Variants in KMT2C observed in about 807,000 individuals in gnomAD.
The protein encoded by KMT2C is histone-lysine N-methyltransferase 2C.
A neutral mutation model predicts 507.9 loss-of-function variants in KMT2C; 88 were observed. The ratio of observed to expected loss-of-function variants is 0.17; its 90% confidence interval spans 0.15 to 0.21. KMT2C has a LOEUF of 0.21. KMT2C is among the 10% of genes least tolerant of loss of function. KMT2C has a pLI of 1.00. For missense variants in KMT2C, 4,954 were observed against 5,957.8 expected (o/e 0.83, Z 5.55); for synonymous variants, 2,049 against 2,080.8 (o/e 0.98, Z 0.42).
At chr7:152,359,591 G>C (rs1056400670) in intron 1 of KMT2C, among the ~76,000 whole-genome samples, 1 of 151,258 alleles carries the variant, frequency 6.6e-6, no homozygotes, top group Non-Finnish European at 1.5e-5. Context: ...CCATCATGGC[G>C]AAACCCCATC....
At position 152,177,715 on chromosome 7, in the gene KMT2C, T is replaced by C. The variant is rs765667288; in HGVS notation, c.7738A>G (p.Ser2580Gly). Residue 2580 changes from serine (S) to glycine (G), a missense_variant, in exon 38 of 59, where the codon AGC (serine) becomes GGC (glycine). Transcript: ENST00000262189. The part of the protein sequence containing the change: ...QRLPFSAPPG[S>G]VVEASSNLRH... ...AGATTAGAAGATGCCTCTACAACGC[T>C]GCCAGGTGGAGCACTGAAAGGCAGC... The C allele has an allele frequency of 1.4e-5, 23 of 1,614,146 alleles. No homozygotes were observed. Among genetic ancestry groups the C allele is most frequent in the South Asian group, 2.2e-5 (2 of 91,080 alleles).
chr7:152,417,598 G>A (rs2097752533), intron 1 of KMT2C, among the ~76,000 whole-genome samples: 1 of 152,116 alleles, frequency 6.6e-6, no homozygotes, highest in African/African-American at 2.4e-5. Flanking sequence ...AGACATTAGA[G>A]CCTATATGCT....
At position 152,162,696 on chromosome 7, in the gene KMT2C, T is replaced by C. The variant is rs1018132632; in HGVS notation, c.10881A>G (p.Ser3627=). ...CTGGAGTCGGTGGGGCAGTTATATCTGAATGGGGAGTTGATGGAGCCTTGG... is the reference window on the plus strand; with the variant it reads ...CTGGAGTCGGTGGGGCAGTTATATCCGAATGGGGAGTTGATGGAGCCTTGG... ...ESTKAPSTPH[S]DITAPPTPGI... is the part of the protein sequence containing the mutation. The change falls in exon 43 of 59, where the codon TCA becomes TCG. Residue 3627 remains serine (S), a synonymous_variant. Transcript: ENST00000262189. 8 of 1,614,094 alleles carry C rather than the reference T, an allele frequency of 5.0e-6. No homozygotes were observed. The highest frequency in any genetic ancestry group is 6.8e-6 in the Non-Finnish European group (8 of 1,180,040).
chr7:152,151,336 A>T (rs2091605266), intron 50 of KMT2C, 106 bp downstream of exon 50: 6 of 1,198,826 alleles, frequency 5.0e-6, no homozygotes, highest in Non-Finnish European at 7.1e-6. Flanking sequence ...ACATGTGTCC[A>T]TCACACCACC....
chr7:152,147,028 T>A (rs1030151573), intron 52 of KMT2C, among the ~76,000 whole-genome samples: 1 of 152,360 alleles, frequency 6.6e-6, no homozygotes, highest in African/African-American at 2.4e-5. Context: ...ATAGTGGCCA[T>A]ATAACATACC....
At chr7:152,205,058 C>A in intron 25 of KMT2C, 48 bp downstream of exon 25, 3 of 1,261,448 alleles carry the variant, frequency 2.4e-6, no homozygotes, top group Non-Finnish European at 3.3e-6. Flanking sequence ...ATATCAAGAC[C>A]AAAGGGTTAC....
At chr7:152,209,537 A>G (rs974794454) in intron 23 of KMT2C, among the ~76,000 whole-genome samples, 1 of 151,836 alleles carries the variant, frequency 6.6e-6, no homozygotes, top group African/African-American at 2.4e-5. Flanking sequence ...CATTCTCCTG[A>G]AACCCTACTA....
intron 6 of KMT2C, among the ~76,000 whole-genome samples, chr7:152,288,225 GA>G (rs2096341942): frequency 3.0e-5 from 4 of 133,290 alleles, no homozygotes; most frequent in African/African-American, 1.2e-4. Context: ...AAAATGAACT[GA>G]TTTAAAAAAA....
intron 23 of KMT2C, among the ~76,000 whole-genome samples, chr7:152,218,434 G>A (rs2094647915): frequency 6.6e-6 from 1 of 152,044 alleles, no homozygotes; most frequent in African/African-American, 2.4e-5. Flanking sequence ...AAAATGCTGG[G>A]ATTACAGATT....
chr7:152,255,157 A>ATATATATATATATATATATATATG, intron 9 of KMT2C, among the ~76,000 whole-genome samples: 1 of 128,380 alleles, frequency 7.8e-6, no homozygotes, highest in African/African-American at 3.0e-5. Context: ...ATATATATAT[A>ATATATATATATATATATATATATG]TGTGTGTGTG....
Position 152,156,026 on chromosome 7 carries a change from C to G in KMT2C, c.11844G>C (p.Gln3948His). The change falls in exon 46 of 59, where the codon CAG becomes CAC. Residue 3948 changes from glutamine (Q) to histidine (H), a missense_variant. This residue lies in a region of KMT2C where 104 missense variants were observed against 134.3 expected (regional missense o/e 0.77). Coordinates refer to ENST00000262189, the MANE Select transcript of KMT2C (RefSeq NM_170606.3). Reference protein sequence around the residue: ...VTKTLGPKPFQLPFRPQDDLL... With the variant: ...VTKTLGPKPFHLPFRPQDDLL... ...AGTCGTCCTGGGGTCTGAAGGGCAG[C>G]TGAAATGGTTTAGGTCCTAGAGTTT... is the stretch of plus-strand genomic sequence containing the variant. The G allele has an allele frequency of 2.5e-6, 4 of 1,605,298 alleles. No homozygotes were observed. The highest frequency in any genetic ancestry group is 3.4e-6 in the Non-Finnish European group (4 of 1,177,994).
chr7:152,304,082 C>T (rs1179868639), intron 6 of KMT2C, among the ~76,000 whole-genome samples: 2 of 152,064 alleles, frequency 1.3e-5, no homozygotes, highest in African/African-American at 2.4e-5. Context: ...AAAAGATGTG[C>T]ACAATCAAAA....
chr7:152,385,276 A>G (rs2097413900), intron 1 of KMT2C, among the ~76,000 whole-genome samples: 1 of 151,488 alleles, frequency 6.6e-6, no homozygotes, highest in East Asian at 1.9e-4. Flanking sequence ...AGATTAAGAC[A>G]CTTAATCGCA....
intron 2 of KMT2C, 116 bp downstream of exon 2, chr7:152,358,471 G>T (rs963376202): frequency 9.7e-6 from 6 of 619,454 alleles, no homozygotes; most frequent in Admixed American, 5.7e-5. Context: ...GAAACTTAGA[G>T]TTCAGTATAA....
At chr7:152,368,170 G>A in intron 1 of KMT2C, 2 of 907,996 alleles carry the variant, frequency 2.2e-6, no homozygotes, top group South Asian at 1.3e-5. Flanking sequence ...TGCTGCTGAA[G>A]TTGAAAATGG....
In KMT2C at chr7:152,162,637, C is replaced by T. The variant is rs377295245; in HGVS notation, c.10940G>A (p.Ser3647Asn). 2.5e-6 allele frequency: 4 copies of T among 1,614,098 alleles called. No homozygotes were observed. The highest frequency in any genetic ancestry group is 1.6e-4 in the Middle Eastern group (1 of 6,084). ...TTGTTGAGGAAGCTCACTGGGTGTG[C>T]TCACTGCAGGAGTAGAGGTAGTTTC... ...ISETTSTPAV[S>N]TPSELPQQAD... is the part of the protein sequence containing the mutation. The change falls in exon 43 of 59, where the codon AGC becomes AAC. Residue 3647 changes from serine to asparagine, a missense_variant. By Grantham distance (46) the Ser-to-Asn change is conservative. Coordinates refer to ENST00000262189, the MANE Select transcript of KMT2C (RefSeq NM_170606.3).
At chr7:152,357,482 A>AG (rs1387354824) in intron 2 of KMT2C, among the ~76,000 whole-genome samples, 1 of 152,136 alleles carries the variant, frequency 6.6e-6, no homozygotes, top group African/African-American at 2.4e-5. Context: ...CAGTGAGCTG[A>AG]GATCACGCCA....
At chr7:152,310,760 T>C (rs2096664581) in intron 5 of KMT2C, among the ~76,000 whole-genome samples, 2 of 152,206 alleles carry the variant, frequency 1.3e-5, no homozygotes, top group Admixed American at 1.3e-4. Context: ...CACAGCTCAC[T>C]GCAGCCTCAA....
chr7:152,145,307 C>A lies in KMT2C; in HGVS notation c.14032-12G>T, dbSNP rs2129093415. 1 of 1,612,724 alleles carries A rather than the reference C, an allele frequency of 6.2e-7. No individual in the cohort carries two copies. Among genetic ancestry groups the A allele is most frequent in the Admixed American group, 1.7e-5 (1 of 59,906 alleles). On this transcript the variant is annotated splice_polypyrimidine_tract_variant and intron_variant, in intron 53 of 58. Coordinates refer to ENST00000262189, the MANE Select transcript of KMT2C (RefSeq NM_170606.3). ...TCAACCCCAGGAAGCTGAAAAGAAGCAAAGCAGACACAAAGTCACCCCATC... is the reference window on the plus strand; with the variant it reads ...TCAACCCCAGGAAGCTGAAAAGAAGAAAAGCAGACACAAAGTCACCCCATC...
Sources: allele counts gnomAD v4.1 joint callset (sites outside exome capture counted in the v4.1 genomes callset), GRCh38; gene constraint gnomAD v4.1.1; regional missense constraint gnomAD v4.1.1; transcripts MANE v1.5; gene names NCBI Gene and HGNC (gene_info 2026-07-23, HGNC 2026-07-21).